The following UNC5D variants were observed in gnomAD, a reference collection of about 807,000 sequenced individuals.
UNC5D encodes the protein netrin receptor UNC5D.
UNC5D carries 39 observed loss-of-function variants against 105.4 expected under a neutral mutation model. The ratio of observed to expected loss-of-function variants is 0.37; its 90% CI spans 0.29 to 0.48. The LOEUF is 0.48. UNC5D is among the 20% of genes least tolerant of loss of function. The pLI is 0.98. For missense variants in UNC5D, 991 were observed against 1,202.4 expected, an observed-to-expected ratio of 0.82 and a Z score of 2.60; for synonymous variants, 452 against 450.4, an observed-to-expected ratio of 1.00 and a Z score of -0.04.
At chr8:35,689,726 G>T (rs1826259189) in intron 7 of UNC5D, among the ~76,000 whole-genome samples, 2 of 152,142 alleles carry the variant, frequency 1.3e-5, no homozygotes, top group Non-Finnish European at 2.9e-5. Context: ...GTTCTATTTA[G>T]GTCTTCAACT....
At chr8:35,465,569 C>T (rs1415050348) in intron 1 of UNC5D, among the ~76,000 whole-genome samples, 2 of 152,092 alleles carry the variant, frequency 1.3e-5, no homozygotes, top group Admixed American at 6.6e-5. Context: ...CAGTTGTATC[C>T]CTCCTTATAT....
At chr8:35,399,866 T>C (rs529681613) in intron 1 of UNC5D, among the ~76,000 whole-genome samples, 1 of 152,008 alleles carries the variant, frequency 6.6e-6, no homozygotes, top group Admixed American at 6.6e-5. Context: ...CAAGTAATAA[T>C]AGGCATTTGA....
chr8:35,693,519 C>G (rs1352560781), intron 7 of UNC5D, among the ~76,000 whole-genome samples: 1 of 152,156 alleles, frequency 6.6e-6, no homozygotes. Flanking sequence ...CCAACCAGGT[C>G]TGAAACACTT....
chr8:35,422,444 T>C (rs890420614), intron 1 of UNC5D, among the ~76,000 whole-genome samples: 3 of 152,240 alleles, frequency 2.0e-5, no homozygotes, highest in Non-Finnish European at 4.4e-5. Context: ...TGTCAGTGAA[T>C]GTCTGGAAAC....
chr8:35,259,054 A>G (rs1373257609), intron 1 of UNC5D, among the ~76,000 whole-genome samples: 1 of 152,220 alleles, frequency 6.6e-6, no homozygotes, highest in Non-Finnish European at 1.5e-5. Flanking sequence ...AAAACCTTAT[A>G]TTCCATGGAA....
intron 1 of UNC5D, among the ~76,000 whole-genome samples, chr8:35,300,821 T>C (rs1300992544): frequency 6.6e-6 from 1 of 152,196 alleles, no homozygotes; most frequent in African/African-American, 2.4e-5. Flanking sequence ...GTGGATTTCT[T>C]TGTATTGAAA....
At position 35,708,641 on chromosome 8, in the gene UNC5D, G is replaced by C. The variant is rs145627682; in HGVS notation, c.1117+2680G>C. 1.9e-3 allele frequency among the ~76,000 whole-genome samples: 284 copies of C among 152,308 alleles called. 1 individual carries two copies. The highest frequency in any genetic ancestry group is 6.6e-3 in the African/African-American group (275 of 41,558). Reference sequence around the variant, plus strand: ...GGAGAATACCTTTTTCTGAAAGGCTGTGAGCTTCTGAGTAGCAGCTGGTTT... The same window carrying C: ...GGAGAATACCTTTTTCTGAAAGGCTCTGAGCTTCTGAGTAGCAGCTGGTTT... On this transcript the variant is annotated intron_variant, in intron 8 of 16. Transcript: ENST00000404895.
At chr8:35,512,539 G>C (rs5023025) in intron 1 of UNC5D, among the ~76,000 whole-genome samples, 3 of 40,278 alleles carry the variant, frequency 7.4e-5, no homozygotes, top group Admixed American at 6.7e-4. Flanking sequence ...AGATATGTAT[G>C]TATATATATA....
chr8:35,775,964 GA>G (rs1586628035), intron 16 of UNC5D, among the ~76,000 whole-genome samples: 1 of 152,132 alleles, frequency 6.6e-6, no homozygotes, highest in Non-Finnish European at 1.5e-5. Flanking sequence ...GTGTACAGGG[GA>G]AAAAAATTAG....
intron 1 of UNC5D, among the ~76,000 whole-genome samples, chr8:35,307,080 T>C (rs1808478866): frequency 6.6e-6 from 1 of 151,804 alleles, no homozygotes; most frequent in African/African-American, 2.4e-5. Flanking sequence ...GGGCCACACA[T>C]GAAATACACT....
chr8:35,359,950 C>T (rs1279071052), intron 1 of UNC5D, among the ~76,000 whole-genome samples: 1 of 152,136 alleles, frequency 6.6e-6, no homozygotes, highest in Non-Finnish European at 1.5e-5. Flanking sequence ...TAATTAGGCT[C>T]TCAGGTATAG....
intron 7 of UNC5D, among the ~76,000 whole-genome samples, chr8:35,702,077 TATA>T (rs973679978): frequency 6.6e-6 from 1 of 152,050 alleles, no homozygotes; most frequent in African/African-American, 2.4e-5. Flanking sequence ...AAGACTGAGT[TATA>T]ATAATTTATC....
At chr8:35,721,382 C>A (rs987078393) in intron 8 of UNC5D, 2 of 702,010 alleles carry the variant, frequency 2.8e-6, no homozygotes, top group South Asian at 1.5e-5. Flanking sequence ...GCACATCTTG[C>A]GGGGTGGGGA....
rs543820659 is a variant in UNC5D, at chr8:35,566,797, C to G, written c.323-1301C>G. On this transcript the variant is annotated intron_variant, in intron 2 of 16. Coordinates refer to ENST00000404895, the MANE Select transcript of UNC5D (RefSeq NM_080872.4). ...AGATGGAATTCAATAAGCATTGCCT[C>G]TTTTTCTCCCAACCGGCCTATCCTA... Among the ~76,000 whole-genome samples, 4 of 152,318 alleles carry G rather than the reference C, an allele frequency of 2.6e-5. No individual in the cohort carries two copies. In the South Asian group the frequency reaches 6.2e-4, roughly 24 times the overall value.
chr8:35,305,732 CTTTCTTTCTCTCTT>C (rs1266067944), intron 1 of UNC5D, among the ~76,000 whole-genome samples: 1 of 143,734 alleles, frequency 7.0e-6, no homozygotes, highest in Non-Finnish European at 1.5e-5. Flanking sequence ...TCTCTTTTCT[CTTTCTTTCTCTCTT>C]TTTCTTTCTT....
At chr8:35,576,973 A>G (rs971948464) in intron 3 of UNC5D, among the ~76,000 whole-genome samples, 8 of 152,204 alleles carry the variant, frequency 5.3e-5, no homozygotes, top group Non-Finnish European at 1.0e-4. Flanking sequence ...TGCAATATAT[A>G]CAAAGAATTC....
At chr8:35,605,055 T>G (rs1820189070) in intron 4 of UNC5D, among the ~76,000 whole-genome samples, 1 of 152,228 alleles carries the variant, frequency 6.6e-6, no homozygotes, top group African/African-American at 2.4e-5. Context: ...GTTAAAGTCA[T>G]TCTCCGTCCA....
intron 4 of UNC5D, among the ~76,000 whole-genome samples, chr8:35,629,028 C>T (rs568486048): frequency 6.6e-6 from 1 of 152,046 alleles, no homozygotes; most frequent in South Asian, 2.1e-4. Context: ...AGGGGAGGGG[C>T]CCATGGAACA....
chr8:35,420,530 T>G (rs1222145039), intron 1 of UNC5D, among the ~76,000 whole-genome samples: 1 of 152,210 alleles, frequency 6.6e-6, no homozygotes, highest in Non-Finnish European at 1.5e-5. Context: ...TTGTTACCTC[T>G]ATTAATTGGA....
Sources: gnomAD v4.1 joint callset for allele counts (sites outside exome capture counted in the v4.1 genomes callset) on GRCh38, gnomAD v4.1.1 for gene constraint, MANE v1.5 for transcripts, NCBI Gene and HGNC (gene_info 2026-07-23, HGNC 2026-07-21) for gene names.